The following AUTS2 variants were observed in gnomAD, a reference collection of about 807,000 sequenced individuals.
The protein encoded by AUTS2 is activator of transcription and developmental regulator AUTS2, also known as autism susceptibility gene 2 protein.
In AUTS2, 17 loss-of-function variants were observed where a neutral mutation model predicts 112.4. The ratio of observed to expected loss-of-function variants is 0.15; its 90% CI spans 0.10 to 0.23. The LOEUF (loss-of-function observed/expected upper bound fraction) is 0.23, where lower values mean the gene tolerates loss of function less well. Among genes scored for constraint, AUTS2 ranks in the 10% least tolerant of loss-of-function variants. The probability of loss-of-function intolerance (pLI) is 1.00; values close to 1 mark genes in which losing one functional copy is unlikely to be tolerated. For missense variants in AUTS2, 1,510 were observed against 1,701.6 expected (o/e 0.89, Z 1.98); for synonymous variants, 751 against 702.7 (o/e 1.07, Z -1.09).
intron 6 of AUTS2, among the ~76,000 whole-genome samples, chr7:70,726,989 TTG>T (rs1292519294): frequency 1.3e-5 from 2 of 152,186 alleles, no homozygotes; most frequent in African/African-American, 4.8e-5. Context: ...GTAGGTAGGC[TTG>T]TGTTTTCACT....
At chr7:70,026,802 G>C (rs920055240) in intron 2 of AUTS2, among the ~76,000 whole-genome samples, 3 of 152,138 alleles carry the variant, frequency 2.0e-5, no homozygotes, top group African/African-American at 7.2e-5. Context: ...GTACAGGAGG[G>C]AGAAACTGAA....
intron 6 of AUTS2, chr7:70,729,002 A>T: frequency 2.9e-6 from 1 of 349,796 alleles, no homozygotes; most frequent in Admixed American, 3.4e-5. Flanking sequence ...TGAAAGGGAA[A>T]CCCAGGCACC....
In AUTS2 at chr7:70,719,415, C is replaced by T. The variant is rs577676943; in HGVS notation, c.742+20795C>T. On this transcript the variant is annotated intron_variant, in intron 6 of 18. Transcript: ENST00000342771. ...TCTCAAATAGTATGTGGAGCCGGCT[C>T]GGAACAAGCAGGGCTTCCCCTATCA... is the stretch of plus-strand genomic sequence containing the variant. Among the ~76,000 whole-genome samples, 9 of 152,238 alleles carry T rather than the reference C, an allele frequency of 5.9e-5. No homozygotes were observed. The East Asian group carries it at 1.7e-3, about 29-fold the overall frequency.
At chr7:69,982,654 A>T (rs561701750) in intron 2 of AUTS2, among the ~76,000 whole-genome samples, 1 of 152,304 alleles carries the variant, frequency 6.6e-6, no homozygotes, top group African/African-American at 2.4e-5. Flanking sequence ...CCATTGAATG[A>T]CCCAAACAAG....
intron 5 of AUTS2, among the ~76,000 whole-genome samples, chr7:70,440,042 A>C (rs577992801): frequency 6.6e-6 from 1 of 152,064 alleles, no homozygotes; most frequent in African/African-American, 2.4e-5. Context: ...CAGCTGTCAA[A>C]TGGGGGTGAC....
intron 4 of AUTS2, among the ~76,000 whole-genome samples, chr7:70,406,245 A>G (rs1189127761): frequency 6.6e-6 from 1 of 152,050 alleles, no homozygotes; most frequent in Non-Finnish European, 1.5e-5. Context: ...CTCAGAGGAC[A>G]TGGGGAGTGA....
In AUTS2 at chr7:69,684,403, C is replaced by T. The variant is rs528231406; in HGVS notation, c.309+84441C>T. ...GGGAGGGATTGATGGATCTCTGCCC[C>T]GTTCTGTTTTTTTGCTAGCACTGTC... On this transcript the variant is annotated intron_variant, in intron 1 of 18. Transcript: ENST00000342771. Among the ~76,000 whole-genome samples, 10 of 152,184 alleles carry T rather than the reference C, an allele frequency of 6.6e-5. 1 individual carries two copies. The highest frequency in any genetic ancestry group is 5.8e-4 in the East Asian group (3 of 5,180).
chr7:70,005,458 G>A (rs188350273), intron 2 of AUTS2, among the ~76,000 whole-genome samples: 29 of 152,278 alleles, frequency 1.9e-4, no homozygotes, highest in African/African-American at 6.3e-4. Context: ...GACAGGCACT[G>A]GTACAGAAAG....
chr7:70,495,863 A>G (rs1645492636), intron 5 of AUTS2, among the ~76,000 whole-genome samples: 1 of 141,916 alleles, frequency 7.0e-6, no homozygotes, highest in Non-Finnish European at 1.5e-5. Context: ...AAACACACAC[A>G]CGCCCCACAC....
At chr7:69,928,294 C>T (rs1459887063) in intron 2 of AUTS2, among the ~76,000 whole-genome samples, 1 of 152,324 alleles carries the variant, frequency 6.6e-6, no homozygotes, top group East Asian at 1.9e-4. Context: ...AGGAACTTCT[C>T]ACTCGGGGTT....
chr7:69,666,929 A>C (rs1306884956), intron 1 of AUTS2, among the ~76,000 whole-genome samples: 1 of 152,126 alleles, frequency 6.6e-6, no homozygotes, highest in Admixed American at 6.6e-5. Flanking sequence ...AAAATACAGT[A>C]CATGTCTGGC....
intron 6 of AUTS2, among the ~76,000 whole-genome samples, chr7:70,718,640 G>C (rs945313825): frequency 6.6e-6 from 1 of 152,116 alleles, no homozygotes; most frequent in Non-Finnish European, 1.5e-5. Flanking sequence ...TCCAGCCTGG[G>C]CGACAGGGTA....
At chr7:69,876,176 C>T (rs1005145866) in intron 1 of AUTS2, among the ~76,000 whole-genome samples, 10 of 149,940 alleles carry the variant, frequency 6.7e-5, no homozygotes, top group African/African-American at 1.7e-4. Context: ...ACCATCCTAA[C>T]GAACACGGTG....
At chr7:69,894,126 C>T (rs182278852) in intron 1 of AUTS2, among the ~76,000 whole-genome samples, 2 of 152,178 alleles carry the variant, frequency 1.3e-5, no homozygotes, top group Admixed American at 1.3e-4. Context: ...GTACACTTAC[C>T]CCCTCTATTG....
At chr7:69,772,472 G>C (rs1488311922) in intron 1 of AUTS2, among the ~76,000 whole-genome samples, 1 of 152,262 alleles carries the variant, frequency 6.6e-6, no homozygotes, top group Non-Finnish European at 1.5e-5. Flanking sequence ...ATAGGGTCTC[G>C]CTGTATTGCC....
intron 1 of AUTS2, among the ~76,000 whole-genome samples, chr7:69,810,642 G>T (rs1352358424): frequency 6.6e-6 from 1 of 152,090 alleles, no homozygotes; most frequent in African/African-American, 2.4e-5. Context: ...GAGGAGCATA[G>T]ATGTAAAAAC....
At chr7:70,173,469 G>A (rs1320667120) in intron 4 of AUTS2, among the ~76,000 whole-genome samples, 11 of 152,178 alleles carry the variant, frequency 7.2e-5, no homozygotes, top group Middle Eastern at 3.4e-3. Context: ...GGCATTAATT[G>A]GGGGACAGAA....
intron 5 of AUTS2, among the ~76,000 whole-genome samples, chr7:70,479,605 G>A (rs959665832): frequency 2.0e-5 from 3 of 151,030 alleles, no homozygotes; most frequent in African/African-American, 7.3e-5. Context: ...AGCATGAATC[G>A]CTTTTGCCAT....
At chr7:69,935,582 A>G (rs1042356737) in intron 2 of AUTS2, among the ~76,000 whole-genome samples, 3 of 152,188 alleles carry the variant, frequency 2.0e-5, no homozygotes, top group African/African-American at 7.2e-5. Flanking sequence ...GGACTTAACC[A>G]ACAGGAAGAG....
Sources: allele counts gnomAD v4.1 joint callset (sites outside exome capture counted in the v4.1 genomes callset), GRCh38; gene constraint gnomAD v4.1.1; transcripts MANE v1.5; gene names NCBI Gene and HGNC (gene_info 2026-07-23, HGNC 2026-07-21).